Variants in ROCK1 observed in about 807,000 individuals in gnomAD.
The protein encoded by ROCK1 is rho-associated protein kinase 1.
Under a neutral mutation model 196.8 loss-of-function variants are expected in ROCK1, and 36 were observed. The observed-to-expected ratio is 0.18, with a 90% confidence interval of 0.14 to 0.24. The LOEUF is 0.24. Among genes scored for constraint, ROCK1 ranks in the 10% least tolerant of loss-of-function variants. The pLI is 1.00. For synonymous variants in ROCK1, 443 were observed against 515.9 expected (o/e 0.86, Z 1.91); for missense variants, 920 against 1,562.0 (o/e 0.59, Z 6.93).
intron 2 of ROCK1, among the ~76,000 whole-genome samples, chr18:21,056,135 G>A (rs1225706618): frequency 6.6e-6 from 1 of 151,138 alleles, no homozygotes; most frequent in East Asian, 2.0e-4. Context: ...CCAAGGCTCA[G>A]CCCTCAATGG....
chr18:20,960,092 T>C (rs111460389), intron 28 of ROCK1, 44 bp downstream of exon 28: 5 of 1,327,402 alleles, frequency 3.8e-6, no homozygotes, highest in African/African-American at 1.5e-5. Context: ...CAAAGTAAAA[T>C]ATAGAACAAA....
chr18:21,046,680 A>G (rs894546963), intron 4 of ROCK1, among the ~76,000 whole-genome samples: 1 of 152,234 alleles, frequency 6.6e-6, no homozygotes. Context: ...GGGCAAATTT[A>G]TAAAATAACA....
At chr18:21,034,190 G>A (rs2036037172) in intron 9 of ROCK1, among the ~76,000 whole-genome samples, 1 of 152,056 alleles carries the variant, frequency 6.6e-6, no homozygotes, top group East Asian at 1.9e-4. Flanking sequence ...TTCATGGACT[G>A]GAAAAGATAA....
chr18:21,084,080 A>G (rs1408269372), intron 1 of ROCK1, among the ~76,000 whole-genome samples: 1 of 152,216 alleles, frequency 6.6e-6, no homozygotes, highest in Non-Finnish European at 1.5e-5. Flanking sequence ...CACATGCAAG[A>G]GAATCAAGTG....
In ROCK1 at chr18:20,981,191, GA is replaced by G. The variant is rs2035529405; in HGVS notation, c.2560-1188del. Among the ~76,000 whole-genome samples the G allele has an allele frequency of 1.4e-4, 21 of 152,040 alleles. No homozygotes were observed. The South Asian group carries it at 4.4e-3, about 32-fold the overall frequency. Reference sequence around the variant, plus strand: ...GGGCAGATCATGGGGTCAGGAGATCGAAACCATCCTGGTTAACATGGTGAAA... The same window carrying G: ...GGGCAGATCATGGGGTCAGGAGATCGAACCATCCTGGTTAACATGGTGAAA... On this transcript the variant is annotated intron_variant, in intron 21 of 32. Transcript: ENST00000399799.
chr18:21,013,446 C>T (rs1183924942), intron 13 of ROCK1, among the ~76,000 whole-genome samples: 8 of 152,132 alleles, frequency 5.3e-5, no homozygotes, highest in Admixed American at 3.3e-4. Flanking sequence ...CTTATGTGGC[C>T]CCCACAGATG....
At chr18:21,042,030 C>T in intron 8 of ROCK1, 67 bp downstream of exon 8, 1 of 1,442,612 alleles carries the variant, frequency 6.9e-7, no homozygotes, top group Non-Finnish European at 9.5e-7. Flanking sequence ...AGATATGGAC[C>T]TTAAAAATGG....
intron 1 of ROCK1, among the ~76,000 whole-genome samples, chr18:21,095,757 A>G (rs1326498913): frequency 6.6e-6 from 1 of 152,132 alleles, no homozygotes; most frequent in African/African-American, 2.4e-5. Context: ...GCTAGAAAAA[A>G]TGAATAAGAT....
chr18:21,060,845 A>G (rs532911178), intron 2 of ROCK1, among the ~76,000 whole-genome samples: 1 of 151,674 alleles, frequency 6.6e-6, no homozygotes, highest in East Asian at 1.9e-4. Context: ...ATCTCAAAAA[A>G]AAAAAAAAAA....
intron 9 of ROCK1, among the ~76,000 whole-genome samples, chr18:21,031,858 C>T (rs937392716): frequency 3.3e-5 from 5 of 151,858 alleles, no homozygotes; most frequent in African/African-American, 1.2e-4. Flanking sequence ...TAGAAGGCTT[C>T]AACAGCAGAT....
chr18:20,958,932 TTA>T (rs1239287913), intron 29 of ROCK1, among the ~76,000 whole-genome samples: 3 of 90,104 alleles, frequency 3.3e-5, no homozygotes, highest in African/African-American at 8.6e-5. Context: ...TATATATATA[TTA>T]TATAAAAAAT....
intron 13 of ROCK1, among the ~76,000 whole-genome samples, chr18:21,011,611 A>G (rs2035817837): frequency 1.3e-5 from 2 of 151,914 alleles, no homozygotes; most frequent in African/African-American, 2.4e-5. Context: ...GTGCACTACC[A>G]CACCTGGCTA....
At position 21,049,191 on chromosome 18, in the gene ROCK1, C is replaced by T; in HGVS notation, c.315G>A (p.Lys105=). Residue 105 remains lysine (K), a synonymous_variant, in exon 4 of 33, where the codon AAG becomes AAA. Transcript: ENST00000399799. ...TTATCATTTCAAATTTGCTGAGAAG[C>T]TTCATAGCATATACCTTCCTGGTGG... ...HKSTRKVYAM[K]LLSKFEMIKR... is the part of the protein sequence containing the mutation. 1.2e-6 allele frequency: 2 copies of T among 1,611,536 alleles called. No homozygotes were observed. Among genetic ancestry groups the T allele is most frequent in the East Asian group, 4.5e-5 (2 of 44,786 alleles).
At chr18:21,075,337 T>C (rs1328579762) in intron 1 of ROCK1, among the ~76,000 whole-genome samples, 2 of 151,780 alleles carry the variant, frequency 1.3e-5, no homozygotes, top group Non-Finnish European at 2.9e-5. Context: ...ACAGGAAGGG[T>C]TGAAAATGAT....
chr18:21,106,325 C>A (rs2036702902), intron 1 of ROCK1, among the ~76,000 whole-genome samples: 1 of 152,090 alleles, frequency 6.6e-6, no homozygotes, highest in Non-Finnish European at 1.5e-5. Context: ...TTTTTTGAGA[C>A]AAGTTCTCAC....
At chr18:20,968,566 A>T in intron 25 of ROCK1, 1 of 480,646 alleles carries the variant, frequency 2.1e-6, no homozygotes, top group Non-Finnish European at 3.7e-6. Context: ...TCAGCCTCCT[A>T]AAGTGTTGGG....
chr18:21,090,801 A>G (rs2036563201), intron 1 of ROCK1, among the ~76,000 whole-genome samples: 1 of 152,246 alleles, frequency 6.6e-6, no homozygotes, highest in South Asian at 2.1e-4. Context: ...GTGATACAAC[A>G]GTGAACAAGA....
chr18:21,075,823 C>G (rs1169046383), intron 1 of ROCK1, among the ~76,000 whole-genome samples: 3 of 151,524 alleles, frequency 2.0e-5, no homozygotes, highest in African/African-American at 7.3e-5. Flanking sequence ...TATGGGGATG[C>G]GCACCTGTAG....
chr18:20,994,729 A>G lies in ROCK1; in HGVS notation c.1886-1792T>C, dbSNP rs187449192. ...TCCACGCAAGATTCCTAGCAACCAC[A>G]TGAAAGAGACAAATTAAGTATAGTT... On this transcript the variant is annotated intron_variant, in intron 16 of 32. Coordinates refer to ENST00000399799, the MANE Select transcript of ROCK1 (RefSeq NM_005406.3). Among the ~76,000 whole-genome samples the G allele has an allele frequency of 3.9e-5, 6 of 152,354 alleles. No homozygotes were observed. In the East Asian group the frequency reaches 5.8e-4, roughly 15 times the overall value.
Sources: gnomAD v4.1 joint callset for allele counts (sites outside exome capture counted in the v4.1 genomes callset) on GRCh38, gnomAD v4.1.1 for gene constraint, MANE v1.5 for transcripts, NCBI Gene and HGNC (gene_info 2026-07-23, HGNC 2026-07-21) for gene names.